MAEA: variants seen among roughly 807,000 people sequenced by gnomAD.
MAEA encodes E3 ubiquitin-protein transferase MAEA.
A neutral mutation model predicts 46.2 loss-of-function variants in MAEA; 22 were observed. The observed-to-expected ratio is 0.48, with a 90% confidence interval of 0.34 to 0.68. The LOEUF is 0.68. MAEA is among the 30% of genes least tolerant of loss of function. The pLI is 0.01. For missense variants in MAEA, 393 were observed against 558.1 expected, an observed-to-expected ratio of 0.70 and a Z score of 2.98; for synonymous variants, 246 against 222.6, an observed-to-expected ratio of 1.11 and a Z score of -0.94.
At chr4:1,330,329 CGT>C (rs376997325) in intron 5 of MAEA, 131 of 66,914 alleles carry the variant, frequency 2.0e-3, no homozygotes, top group Non-Finnish European at 2.9e-3. Context: ...TCTCTCTTTC[CGT>C]GTGTGTGTGT....
chr4:1,328,720 G>A (rs1015058082), intron 5 of MAEA: 13 of 1,254,294 alleles, frequency 1.0e-5, no homozygotes, highest in Non-Finnish European at 8.2e-6. Flanking sequence ...TCCCCAAGAC[G>A]CACGGCAGAA....
chr4:1,322,002 G>T (rs947218435), intron 3 of MAEA, among the ~76,000 whole-genome samples: 1 of 152,062 alleles, frequency 6.6e-6, no homozygotes, highest in African/African-American at 2.4e-5. Flanking sequence ...TGAGGGGGCT[G>T]CCCAGGGAGG....
intron 5 of MAEA, chr4:1,332,539 A>G (rs916538102): frequency 1.2e-5 from 5 of 423,180 alleles, no homozygotes; most frequent in Non-Finnish European, 1.7e-5. Context: ...ACACAGCGAG[A>G]ATCTGTCTCT....
At chr4:1,304,952 T>A (rs1451750938) in intron 1 of MAEA, among the ~76,000 whole-genome samples, 4 of 152,226 alleles carry the variant, frequency 2.6e-5, no homozygotes, top group African/African-American at 7.2e-5. Context: ...CTTTGTGGCT[T>A]TATCCTTTTT....
chr4:1,296,515 C>G (rs1263338046), intron 1 of MAEA, among the ~76,000 whole-genome samples: 1 of 143,158 alleles, frequency 7.0e-6, no homozygotes, highest in Admixed American at 7.2e-5. Flanking sequence ...CTCACCTGTG[C>G]TGTGCCCTTT....
At chr4:1,323,715 G>T (rs1460340762) in intron 4 of MAEA, 1 of 672,028 alleles carries the variant, frequency 1.5e-6, no homozygotes, top group Non-Finnish European at 2.7e-6. Flanking sequence ...TCCTGTGGAT[G>T]TCAGAGGGAA....
rs1560368750 is a variant in MAEA, at chr4:1,322,943, C to CCTTTTTTTTTTTTTTTTTTTTTTTTT, written c.579+440_579+441insCTTTTTTTTTTTTTTTTTTTTTTTTT. Among the ~76,000 whole-genome samples the CCTTTTTTTTTTTTTTTTTTTTTTTTT allele has an allele frequency of 2.0e-4, 15 of 75,246 alleles. 7 individuals carry two copies. Among genetic ancestry groups the CCTTTTTTTTTTTTTTTTTTTTTTTTT allele is most frequent in the Non-Finnish European group, 1.4e-4 (6 of 41,994 alleles). The allele number at this position is 75,246 out of a possible 152,430, so 49.4% of individuals were successfully genotyped here. On this transcript the variant is annotated intron_variant, in intron 4 of 8. Coordinates refer to ENST00000303400, the MANE Select transcript of MAEA (RefSeq NM_001017405.3). ...CTGTGATATTGTTAATGAATACCCA[C>CCTTTTTTTTTTTTTTTTTTTTTTTTT]TTTTTTTTTTTTTTTTTTTTTTTTT...
At chr4:1,313,295 C>G (rs1423528687) in intron 2 of MAEA, among the ~76,000 whole-genome samples, 1 of 152,202 alleles carries the variant, frequency 6.6e-6, no homozygotes, top group African/African-American at 2.4e-5. Flanking sequence ...AGTACAACGT[C>G]CAGCACAGAG....
At chr4:1,304,540 A>G (rs534074710) in intron 1 of MAEA, among the ~76,000 whole-genome samples, 2 of 152,282 alleles carry the variant, frequency 1.3e-5, no homozygotes, top group Non-Finnish European at 2.9e-5. Context: ...TCTTGGGTTT[A>G]CACCATTCTC....
At chr4:1,302,404 G>A (rs1735402542) in intron 1 of MAEA, among the ~76,000 whole-genome samples, 1 of 152,230 alleles carries the variant, frequency 6.6e-6, no homozygotes, top group African/African-American at 2.4e-5. Flanking sequence ...ATGTTTGCCA[G>A]TCATATATCT....
At chr4:1,315,787 TGTGTCCCCCTCCCCGTGTGC>T (rs1414890440) in intron 3 of MAEA, among the ~76,000 whole-genome samples, 187 bp downstream of exon 3, 2 of 105,238 alleles carry the variant, frequency 1.9e-5, no homozygotes, top group Admixed American at 1.1e-4. Flanking sequence ...AGTGTGTGTG[TGTGTCCCCCTCCCCGTGTGC>T]GTGTCCCCCT....
intron 1 of MAEA, among the ~76,000 whole-genome samples, chr4:1,297,377 C>A (rs954197499): frequency 2.0e-5 from 3 of 151,742 alleles, no homozygotes; most frequent in Admixed American, 2.0e-4. Context: ...GGACATCCTC[C>A]CAAGCGTTTA....
intron 6 of MAEA, 79 bp from the exon 7 acceptor site, chr4:1,336,782 C>T (rs1712822397): frequency 7.0e-7 from 1 of 1,436,742 alleles, no homozygotes; most frequent in Non-Finnish European, 9.5e-7. Flanking sequence ...GCACCTGCTT[C>T]ACCATGGTCC....
intron 5 of MAEA, chr4:1,328,710 TC>T: frequency 7.9e-7 from 1 of 1,266,686 alleles, no homozygotes; most frequent in Non-Finnish European, 1.0e-6. Context: ...CTGAGGGTGG[TC>T]CCCAAGACGC....
At position 1,309,765 on chromosome 4, in the gene MAEA, G is replaced by A. The variant is rs983586621; in HGVS notation, c.70-2214G>A. On this transcript the variant is annotated intron_variant, in intron 1 of 8. Transcript: ENST00000303400. ...CCTGCGTTCTGCGTAACCGTGGCGC[G>A]TTCTGGGCAGGGCCTTTTCCCTTGC... 14 of 1,476,124 alleles carry A rather than the reference G, an allele frequency of 9.5e-6. No homozygotes were observed. The Admixed American group carries it at 2.8e-4, about 30-fold the overall frequency. 91.4% of individuals were successfully genotyped at this position (1,476,124 alleles called of 1,614,324 possible).
intron 4 of MAEA, among the ~76,000 whole-genome samples, chr4:1,325,603 G>A (rs1416080182): frequency 6.6e-6 from 1 of 152,190 alleles, no homozygotes; most frequent in African/African-American, 2.4e-5. Flanking sequence ...GCTGCGTCCT[G>A]CCTTTAGACA....
At chr4:1,338,906 G>A in intron 8 of MAEA, 168 bp from the exon 9 acceptor site, 2 of 681,088 alleles carry the variant, frequency 2.9e-6, no homozygotes, top group Non-Finnish European at 5.2e-6. Context: ...GGGGTGGGAA[G>A]GACAGGCGAG....
chr4:1,299,692 T>TC (rs1735127886), intron 1 of MAEA: 1 of 152,342 alleles, frequency 6.6e-6, no homozygotes, highest in Admixed American at 6.5e-5. Context: ...GAGCGCTCCT[T>TC]CCACAGATGT....
rs1342525726 is a variant in MAEA, at chr4:1,339,444, C to G, written c.*275C>G. On this transcript the variant is annotated 3_prime_UTR_variant, in exon 9 of 9. Coordinates refer to ENST00000303400, the MANE Select transcript of MAEA (RefSeq NM_001017405.3). Reference sequence around the variant, plus strand: ...TGCGAAGGAAACTCTTCTTTAAAGACTGACCTAAACACCGAGGGAAACTTA... The same window carrying G: ...TGCGAAGGAAACTCTTCTTTAAAGAGTGACCTAAACACCGAGGGAAACTTA... 2.1e-6 allele frequency: 1 copy of G among 480,134 alleles called. No homozygotes were observed. The highest frequency in any genetic ancestry group is 2.0e-5 in the African/African-American group (1 of 50,710). 29.7% of individuals were successfully genotyped at this position (480,134 alleles called of 1,614,324 possible).
Sources: allele counts gnomAD v4.1 joint callset (sites outside exome capture counted in the v4.1 genomes callset), GRCh38; gene constraint gnomAD v4.1.1; transcripts MANE v1.5; gene names NCBI Gene and HGNC (gene_info 2026-07-23, HGNC 2026-07-21).